MINDY3: variants seen among roughly 807,000 people sequenced by gnomAD.
The protein encoded by MINDY3 is MINDY lysine 48 deubiquitinase 3.
MINDY3 carries 38 observed loss-of-function variants against 69.2 expected under a neutral mutation model. That is an observed-to-expected ratio of 0.55 (90% CI 0.42 to 0.72). MINDY3 has a LOEUF of 0.72. Among genes scored for constraint, MINDY3 ranks in the 30% least tolerant of loss-of-function variants. MINDY3 has a pLI of 0.00. For synonymous variants in MINDY3, 192 were observed against 180.1 expected, an observed-to-expected ratio of 1.07 and a Z score of -0.53; for missense variants, 522 against 519.0, an observed-to-expected ratio of 1.01 and a Z score of -0.06.
chr10:15,831,339 A>G (rs12243247), intron 8 of MINDY3, among the ~76,000 whole-genome samples: 20,314 of 152,216 alleles, frequency 0.13, 3,224 homozygotes, highest in African/African-American at 0.38. Context: ...TTATCCAGGA[A>G]AAACCAAGAA....
intron 1 of MINDY3, among the ~76,000 whole-genome samples, chr10:15,855,946 C>G (rs974544565): frequency 5.3e-5 from 8 of 152,008 alleles, no homozygotes; most frequent in African/African-American, 1.9e-4. Flanking sequence ...ATTATATATT[C>G]AAAGTACCAA....
At chr10:15,851,609 T>C (rs1834304706) in intron 1 of MINDY3, among the ~76,000 whole-genome samples, 1 of 152,036 alleles carries the variant, frequency 6.6e-6, no homozygotes, top group African/African-American at 2.4e-5. Context: ...CTTTAACGTG[T>C]CCATTTCCAT....
Position 15,778,919 on chromosome 10 carries a change from C to T in MINDY3, c.*73G>A. On this transcript the variant is annotated 3_prime_UTR_variant, in exon 15 of 15. Coordinates refer to ENST00000277632, the MANE Select transcript of MINDY3 (RefSeq NM_024948.4). The stretch of plus-strand genomic sequence containing the variant: ...AGTGATACCAGTGTTTAGCTTAATC[C>T]AGCCAATTGCCAGTCTTGACTCCTT... The T allele has an allele frequency of 1.5e-6, 2 of 1,366,162 alleles. No homozygotes were observed. Among genetic ancestry groups the T allele is most frequent in the Non-Finnish European group, 2.0e-6 (2 of 987,570 alleles). The allele number at this position is 1,366,162 out of a possible 1,614,324, so 84.6% of individuals were successfully genotyped here.
chr10:15,781,452 A>C (rs891095173), intron 14 of MINDY3, among the ~76,000 whole-genome samples: 9 of 150,726 alleles, frequency 6.0e-5, no homozygotes, highest in Admixed American at 4.6e-4. Context: ...CTCATACTTG[A>C]ATAAATGCAA....
At chr10:15,858,286 C>T (rs1484120979) in intron 1 of MINDY3, among the ~76,000 whole-genome samples, 1 of 152,122 alleles carries the variant, frequency 6.6e-6, no homozygotes, top group Non-Finnish European at 1.5e-5. Context: ...TGAAATGGTA[C>T]TGATGGAACT....
chr10:15,819,000 T>C (rs982082576), intron 9 of MINDY3, among the ~76,000 whole-genome samples: 9 of 152,200 alleles, frequency 5.9e-5, no homozygotes, highest in East Asian at 1.9e-4. Flanking sequence ...TATAAATCTA[T>C]CTTTTTTAAA....
intron 8 of MINDY3, among the ~76,000 whole-genome samples, chr10:15,826,037 A>C (rs980978246): frequency 1.3e-5 from 2 of 152,176 alleles, no homozygotes; most frequent in Non-Finnish European, 2.9e-5. Context: ...TTCCTTTAAG[A>C]TAAAAAAGAG....
At chr10:15,840,668 G>C (rs957920375) in intron 4 of MINDY3, among the ~76,000 whole-genome samples, 1 of 151,448 alleles carries the variant, frequency 6.6e-6, no homozygotes, top group African/African-American at 2.4e-5. Context: ...TAAGCACTTG[G>C]GACTACCAAT....
chr10:15,816,277 A>T (rs1171155619), intron 10 of MINDY3, among the ~76,000 whole-genome samples: 2 of 141,252 alleles, frequency 1.4e-5, no homozygotes, highest in African/African-American at 6.3e-5. Flanking sequence ...AAAAAAAAAA[A>T]AAATGAAAAA....
intron 1 of MINDY3, among the ~76,000 whole-genome samples, chr10:15,848,239 G>A (rs1833992091): frequency 6.6e-6 from 1 of 152,176 alleles, no homozygotes; most frequent in East Asian, 1.9e-4. Context: ...TTCATCTAAG[G>A]AGGACTAGAT....
At chr10:15,809,287 A>C (rs918581584) in intron 10 of MINDY3, among the ~76,000 whole-genome samples, 44 of 152,190 alleles carry the variant, frequency 2.9e-4, no homozygotes, top group African/African-American at 1.0e-3. Flanking sequence ...ACATATTACA[A>C]AACAAATGTT....
rs1463149329 is a variant in MINDY3 at position 15,816,874 on chromosome 10, A to G, written c.843T>C (p.Ile281=). ...YLKSPKFPIW[I]VGSETHLTVF... is the part of the protein sequence containing the mutation. ...CGGTGAGGTGAGTCTCACTGCCAAC[A>G]ATCCAAATAGGGAATTTTGGAGATT... Residue 281 remains isoleucine (I), a synonymous_variant, in exon 10 of 15, where the codon ATT becomes ATC. Transcript: ENST00000277632. The G allele has an allele frequency of 1.9e-6, 3 of 1,613,612 alleles. No individual in the cohort carries two copies. The highest frequency in any genetic ancestry group is 2.5e-6 in the Non-Finnish European group (3 of 1,179,706).
Position 15,860,330 on chromosome 10 carries a change from T to C in MINDY3, c.-31A>G, listed in dbSNP as rs752563613. 6.7e-7 allele frequency: 1 copy of C among 1,501,620 alleles called. No homozygotes were observed. The highest frequency in any genetic ancestry group is 9.1e-7 in the Non-Finnish European group (1 of 1,095,354). 93.0% of individuals were successfully genotyped at this position (1,501,620 alleles called of 1,614,324 possible). A position where few individuals can be genotyped will look rare whatever the true frequency, so the allele number is the denominator to read the frequency against. On this transcript the variant is annotated 5_prime_UTR_variant, in exon 1 of 15. Coordinates refer to ENST00000277632, the MANE Select transcript of MINDY3 (RefSeq NM_024948.4). ...GGAACCGGCGGGCGGATCTTCGCTT[T>C]GCGGACTCCTGCCCCGGAACATGGG... is the stretch of plus-strand genomic sequence containing the variant.
At chr10:15,812,475 A>C (rs1371602527) in intron 10 of MINDY3, among the ~76,000 whole-genome samples, 1 of 152,168 alleles carries the variant, frequency 6.6e-6, no homozygotes, top group Non-Finnish European at 1.5e-5. Context: ...AATATTAGAA[A>C]AGTTTTTAAT....
chr10:15,851,943 T>C (rs1378621451), intron 1 of MINDY3, among the ~76,000 whole-genome samples: 2 of 152,148 alleles, frequency 1.3e-5, no homozygotes, highest in Non-Finnish European at 2.9e-5. Context: ...CCTCAGAACA[T>C]CCCAGAGACT....
At chr10:15,849,646 A>C (rs891186719) in intron 1 of MINDY3, among the ~76,000 whole-genome samples, 1 of 152,144 alleles carries the variant, frequency 6.6e-6, no homozygotes, top group Non-Finnish European at 1.5e-5. Context: ...GTACAAAAGA[A>C]ATTAGAGCTG....
At chr10:15,816,684 T>C (rs187551703) in intron 10 of MINDY3, 151 bp downstream of exon 10, 14 of 600,646 alleles carry the variant, frequency 2.3e-5, no homozygotes, top group Admixed American at 1.1e-4. Flanking sequence ...GAAAACAGTA[T>C]GTTCTTCAGT....
chr10:15,814,372 G>A (rs901937021), intron 10 of MINDY3, among the ~76,000 whole-genome samples: 2 of 151,860 alleles, frequency 1.3e-5, no homozygotes, highest in South Asian at 4.2e-4. Flanking sequence ...ACAATGAGTC[G>A]TGTAAAATAT....
rs539718686 is a variant in MINDY3, at chr10:15,799,882, C to T, written c.883-3710G>A. On this transcript the variant is annotated intron_variant, in intron 10 of 14. Transcript: ENST00000277632. ...ACACTCACTGTTAGCTAACTGCGAG[C>T]TTCTCGTGAGCTATTAGAAATAGAA... is the stretch of plus-strand genomic sequence containing the variant. Among the ~76,000 whole-genome samples the T allele has an allele frequency of 2.6e-5, 4 of 152,244 alleles. No homozygotes were observed. In the South Asian group the frequency reaches 6.2e-4, roughly 24 times the overall value.
Sources: allele counts gnomAD v4.1 joint callset (sites outside exome capture counted in the v4.1 genomes callset), GRCh38; gene constraint gnomAD v4.1.1; transcripts MANE v1.5; gene names NCBI Gene and HGNC (gene_info 2026-07-23, HGNC 2026-07-21).